The following CUEDC1 variants were observed in gnomAD, a reference collection of about 807,000 sequenced individuals.
The protein encoded by CUEDC1 is CUE domain-containing protein 1.
Under a neutral mutation model 43.7 loss-of-function variants are expected in CUEDC1, and 30 were observed. That is an observed-to-expected ratio of 0.69 (90% CI 0.51 to 0.93). The LOEUF (loss-of-function observed/expected upper bound fraction) is 0.93, where lower values mean the gene tolerates loss of function less well. CUEDC1 is among the 40% of genes least tolerant of loss of function. The pLI, the probability that CUEDC1 is intolerant of heterozygous loss-of-function variation, is 0.00. For synonymous variants in CUEDC1, 223 were observed against 223.6 expected (o/e 1.00, Z 0.02); for missense variants, 486 against 549.0 (o/e 0.89, Z 1.15).
chr17:57,887,250 G>C (rs2074302395), intron 1 of CUEDC1, among the ~76,000 whole-genome samples: 1 of 152,054 alleles, frequency 6.6e-6, no homozygotes, highest in Admixed American at 6.6e-5. Context: ...GCACAATGAG[G>C]GACCTTAATC....
chr17:57,909,126 A>C (rs1028513498), intron 1 of CUEDC1, among the ~76,000 whole-genome samples: 5 of 152,170 alleles, frequency 3.3e-5, no homozygotes, highest in African/African-American at 1.2e-4. Context: ...ATTAAAATTA[A>C]ATAAAATGTA....
chr17:57,908,453 C>T (rs2074550634), intron 1 of CUEDC1, among the ~76,000 whole-genome samples: 1 of 152,176 alleles, frequency 6.6e-6, no homozygotes, highest in Admixed American at 6.6e-5. Flanking sequence ...ACAGGCTTCC[C>T]AGGGGCACGG....
rs140144439 is a variant in CUEDC1 at position 57,883,235 on chromosome 17, G to T, written c.336+1994C>A. 5.6e-3 allele frequency among the ~76,000 whole-genome samples: 846 copies of T among 152,294 alleles called. 3 individuals are homozygous for T. The highest frequency in any genetic ancestry group is 9.6e-3 in the Non-Finnish European group (652 of 68,032). On this transcript the variant is annotated intron_variant, in intron 2 of 10. Transcript: ENST00000577830. Reference sequence around the variant, plus strand: ...AACACTCCCTGAGTGCTTGCTATGTGCGTGGATTGTCCTGGGTGCTGCAGA... The same window carrying T: ...AACACTCCCTGAGTGCTTGCTATGTTCGTGGATTGTCCTGGGTGCTGCAGA...
intron 1 of CUEDC1, among the ~76,000 whole-genome samples, chr17:57,937,413 C>A (rs1001601746): frequency 6.6e-6 from 1 of 151,844 alleles, no homozygotes; most frequent in Admixed American, 6.6e-5. Flanking sequence ...GGGTTCAAGA[C>A]CAGCCTGGGA....
chr17:57,885,754 C>A lies in CUEDC1; in HGVS notation c.-190G>T, dbSNP rs1050602669. The A allele has an allele frequency of 2.2e-6, 2 of 902,920 alleles. No homozygotes were observed. The highest frequency in any genetic ancestry group is 1.8e-5 in the African/African-American group (1 of 56,874). The allele number at this position is 902,920 out of a possible 1,614,324, so 55.9% of individuals were successfully genotyped here. On this transcript the variant is annotated 5_prime_UTR_variant, in exon 2 of 11. Transcript: ENST00000577830. The stretch of plus-strand genomic sequence containing the variant: ...GTTAGGAGAGTACGGGCGCGGGGCC[C>A]CAGGCAGCCCTTGGAGAGCGGTCCT...
chr17:57,890,042 C>T (rs1182977102), intron 1 of CUEDC1, among the ~76,000 whole-genome samples: 2 of 152,246 alleles, frequency 1.3e-5, no homozygotes, highest in Non-Finnish European at 2.9e-5. Flanking sequence ...CATGCTTTCA[C>T]ATTTAATCTT....
chr17:57,931,314 A>G (rs951461539), intron 1 of CUEDC1, among the ~76,000 whole-genome samples: 4 of 152,028 alleles, frequency 2.6e-5, no homozygotes, highest in Non-Finnish European at 5.9e-5. Flanking sequence ...AACAAACAAA[A>G]AAAGAGGGAG....
intron 10 of CUEDC1, among the ~76,000 whole-genome samples, chr17:57,864,416 C>T (rs1455060636): frequency 6.6e-6 from 1 of 152,024 alleles, no homozygotes; most frequent in African/African-American, 2.4e-5. Context: ...GGCAGAGCAA[C>T]AAGGAGAGCC....
chr17:57,909,081 A>G (rs1039043077), intron 1 of CUEDC1, among the ~76,000 whole-genome samples: 1 of 152,206 alleles, frequency 6.6e-6, no homozygotes, highest in Non-Finnish European at 1.5e-5. Context: ...TAAGGTAGCC[A>G]CTGGTCATGT....
chr17:57,918,366 C>T (rs1409498082), intron 1 of CUEDC1, among the ~76,000 whole-genome samples: 1 of 152,182 alleles, frequency 6.6e-6, no homozygotes, highest in Non-Finnish European at 1.5e-5. Flanking sequence ...TAAACACTTC[C>T]CAAAAGAAAG....
In CUEDC1 at chr17:57,883,810, A is replaced by G. The variant is rs543484199; in HGVS notation, c.336+1419T>C. ...CCTGGCACGGGTCGGGACTCAATAA[A>G]GAGTGGAGTTAAATCCTGCTGGGTC... On this transcript the variant is annotated intron_variant, in intron 2 of 10. Coordinates refer to ENST00000577830, the MANE Select transcript of CUEDC1 (RefSeq NM_001271875.2). Among the ~76,000 whole-genome samples the G allele has an allele frequency of 2.6e-5, 4 of 152,352 alleles. No individual in the cohort carries two copies. The South Asian group carries it at 8.3e-4, about 32-fold the overall frequency.
intron 4 of CUEDC1, among the ~76,000 whole-genome samples, chr17:57,873,146 G>A (rs957671194): frequency 1.3e-5 from 2 of 152,192 alleles, no homozygotes; most frequent in African/African-American, 4.8e-5. Flanking sequence ...GCAGACTGTG[G>A]AACAGCCTAT....
chr17:57,935,687 C>T (rs1223238332), intron 1 of CUEDC1, among the ~76,000 whole-genome samples: 1 of 152,100 alleles, frequency 6.6e-6, no homozygotes, highest in African/African-American at 2.4e-5. Context: ...CCTGTGTTTA[C>T]CCCGGGTGCA....
intron 1 of CUEDC1, among the ~76,000 whole-genome samples, chr17:57,933,227 CT>C (rs1163658345): frequency 3.9e-5 from 6 of 152,202 alleles, no homozygotes; most frequent in African/African-American, 1.2e-4. Context: ...CTGAACAGAG[CT>C]GCTCTGGACA....
intron 1 of CUEDC1, among the ~76,000 whole-genome samples, chr17:57,902,403 C>T (rs1361999026): frequency 1.3e-5 from 2 of 152,164 alleles, no homozygotes; most frequent in African/African-American, 4.8e-5. Context: ...ACTGACTCGT[C>T]CTGCAAGGTC....
chr17:57,864,127 G>C (rs2073922418), intron 10 of CUEDC1, among the ~76,000 whole-genome samples: 1 of 152,086 alleles, frequency 6.6e-6, no homozygotes, highest in South Asian at 2.1e-4. Flanking sequence ...GCAGTGAAGA[G>C]AACAGGGCTG....
intron 1 of CUEDC1, among the ~76,000 whole-genome samples, chr17:57,927,906 CTG>C (rs2074764091): frequency 6.6e-6 from 1 of 152,222 alleles, no homozygotes; most frequent in Non-Finnish European, 1.5e-5. Flanking sequence ...GATGGGGAAA[CTG>C]AGGCTTAGAG....
chr17:57,866,137 C>T (rs905662956), intron 10 of CUEDC1, among the ~76,000 whole-genome samples: 1 of 152,156 alleles, frequency 6.6e-6, no homozygotes, highest in African/African-American at 2.4e-5. Flanking sequence ...TTTCTTAAAT[C>T]ATCCTCTCAG....
At chr17:57,938,312 G>A (rs2585845) in intron 1 of CUEDC1, among the ~76,000 whole-genome samples, 116,026 of 152,150 alleles carry the variant, frequency 0.76, 44,652 homozygotes, top group East Asian at 0.97. Flanking sequence ...ATGGCCTAAC[G>A]CCCTATAAAC....
Sources: gnomAD v4.1 joint callset for allele counts (sites outside exome capture counted in the v4.1 genomes callset) on GRCh38, gnomAD v4.1.1 for gene constraint, MANE v1.5 for transcripts, NCBI Gene and HGNC (gene_info 2026-07-23, HGNC 2026-07-21) for gene names.